WDR5: variants seen among roughly 807,000 people sequenced by gnomAD.
WDR5 encodes the protein WD repeat-containing protein 5.
For missense variants in WDR5, 187 were observed against 416.9 expected, an observed-to-expected ratio of 0.45 and a Z score of 4.80; for synonymous variants, 144 against 161.6, an observed-to-expected ratio of 0.89 and a Z score of 0.83.
intron 7 of WDR5, 146 bp downstream of exon 7, chr9:134,142,865 T>C (rs1831963980): frequency 1.2e-6 from 1 of 809,900 alleles, no homozygotes; most frequent in Admixed American, 2.4e-5. Flanking sequence ...TCTAGAGCAA[T>C]CAGGTTGGAG....
At chr9:134,155,462 A>C in intron 11 of WDR5, 89 bp downstream of exon 11, 1 of 1,495,616 alleles carries the variant, frequency 6.7e-7, no homozygotes, top group East Asian at 2.3e-5. Flanking sequence ...GTGATGACAA[A>C]GGAGAGGAGC....
chr9:134,155,107 A>G (rs1032473073), intron 10 of WDR5, among the ~76,000 whole-genome samples: 8 of 152,174 alleles, frequency 5.3e-5, no homozygotes, highest in Non-Finnish European at 1.0e-4. Flanking sequence ...CTTCCTGTTA[A>G]AGTCTCTCTT....
At chr9:134,137,771 C>G (rs570662133) in intron 1 of WDR5, among the ~76,000 whole-genome samples, 1 of 152,240 alleles carries the variant, frequency 6.6e-6, no homozygotes, top group Non-Finnish European at 1.5e-5. Flanking sequence ...CCCGCCACCC[C>G]CCGACGGAGT....
intron 3 of WDR5, among the ~76,000 whole-genome samples, 188 bp from the exon 4 acceptor site, chr9:134,141,322 C>A (rs906610863): frequency 2.0e-5 from 3 of 151,968 alleles, no homozygotes; most frequent in Non-Finnish European, 2.9e-5. Context: ...AGAAATTGCC[C>A]GTGGACCCTG....
In WDR5 at chr9:134,156,599, G is replaced by A. The variant is rs771680667; in HGVS notation, c.904+6G>A. On this transcript the variant is annotated splice_donor_region_variant and intron_variant, in intron 13 of 13. Coordinates refer to ENST00000358625, the MANE Select transcript of WDR5 (RefSeq NM_017588.3). Reference sequence around the variant, plus strand: ...GAAACTACAAGGCCACACAGGTGAGGGCCTGCGCTCCTGCAGTCACTGGCT... The same window carrying A: ...GAAACTACAAGGCCACACAGGTGAGAGCCTGCGCTCCTGCAGTCACTGGCT... The A allele has an allele frequency of 2.5e-6, 4 of 1,614,100 alleles. No homozygotes were observed. The South Asian group carries it at 4.4e-5, about 18-fold the overall frequency.
Position 134,141,280 on chromosome 9 carries a change from C to T in WDR5, c.191-230C>T, listed in dbSNP as rs571595762. ...CAGCCTGGGCGACAGAGCCAGACAC[C>T]GTCTCAGAAAAACAAAAGAAGAAGA... On this transcript the variant is annotated intron_variant, in intron 3 of 13. Coordinates refer to ENST00000358625, the MANE Select transcript of WDR5 (RefSeq NM_017588.3). 8.5e-5 allele frequency among the ~76,000 whole-genome samples: 13 copies of T among 152,078 alleles called. No homozygotes were observed. In the East Asian group the frequency reaches 1.9e-3, roughly 23 times the overall value.
chr9:134,140,369 G>A (rs1831819969), intron 2 of WDR5, among the ~76,000 whole-genome samples: 1 of 152,120 alleles, frequency 6.6e-6, no homozygotes, highest in Non-Finnish European at 1.5e-5. Flanking sequence ...GCTGGTGGGG[G>A]CCTCCTGTGC....
Position 134,158,197 on chromosome 9 carries a change from C to A in WDR5, c.*204C>A. On this transcript the variant is annotated 3_prime_UTR_variant, in exon 14 of 14. Coordinates refer to ENST00000358625, the MANE Select transcript of WDR5 (RefSeq NM_017588.3). ...TAAAAGTTGCTGGTGACATTTCTTGCCAATTCTAACACTGTCTAGGGAAGA... is the reference window on the plus strand; with the variant it reads ...TAAAAGTTGCTGGTGACATTTCTTGACAATTCTAACACTGTCTAGGGAAGA... 2 of 546,514 alleles carry A rather than the reference C, an allele frequency of 3.7e-6. No individual in the cohort carries two copies. The highest frequency in any genetic ancestry group is 6.6e-6 in the Non-Finnish European group (2 of 303,516). 33.9% of individuals were successfully genotyped at this position (546,514 alleles called of 1,614,324 possible). A position where few individuals can be genotyped will look rare whatever the true frequency, so the allele number is the denominator to read the frequency against.
intron 12 of WDR5, 132 bp downstream of exon 12, chr9:134,155,899 A>G: frequency 1.2e-6 from 1 of 849,940 alleles, no homozygotes; most frequent in Non-Finnish European, 1.9e-6. Context: ...TTTCAACCAA[A>G]GCGCACTGCG....
At chr9:134,155,983 G>A (rs1427459919) in intron 12 of WDR5, among the ~76,000 whole-genome samples, 1 of 144,268 alleles carries the variant, frequency 6.9e-6, no homozygotes, top group African/African-American at 2.8e-5. Flanking sequence ...GCCTGTTGTC[G>A]GGCTTTGCTG....
chr9:134,141,478 T>A, intron 3 of WDR5, 32 bp from the exon 4 acceptor site: 1 of 1,610,290 alleles, frequency 6.2e-7, no homozygotes, highest in Non-Finnish European at 8.5e-7. Flanking sequence ...TGTGTCCTGC[T>A]CTTAGCCTCA....
At position 134,139,974 on chromosome 9, in the gene WDR5, C is replaced by A; in HGVS notation, c.81+16C>A. The A allele has an allele frequency of 6.2e-7, 1 of 1,613,588 alleles. No homozygotes were observed. Among genetic ancestry groups the A allele is most frequent in the South Asian group, 1.1e-5 (1 of 91,078 alleles). On this transcript the variant is annotated intron_variant, in intron 2 of 13. Coordinates refer to ENST00000358625, the MANE Select transcript of WDR5 (RefSeq NM_017588.3). ...TCAGAGCAAGGTGCGTGCCCAGGGG[C>A]CCCTTGGACACCTTCCGGGGGCAAA...
chr9:134,158,494 T>C lies in WDR5; in HGVS notation c.*501T>C, dbSNP rs1832852997. 1 of 152,890 alleles carries C rather than the reference T, an allele frequency of 6.5e-6. No homozygotes were observed. Among genetic ancestry groups the C allele is most frequent in the Non-Finnish European group, 1.5e-5 (1 of 68,524 alleles). 9.5% of individuals were successfully genotyped at this position (152,890 alleles called of 1,614,324 possible). A position where few individuals can be genotyped will look rare whatever the true frequency, so the allele number is the denominator to read the frequency against. ...ACTCCTCCATTCCCGCCAGTAGCTG[T>C]TCCTAGTGTATTTTCGTCTTTCTGG... On this transcript the variant is annotated 3_prime_UTR_variant, in exon 14 of 14. Coordinates refer to ENST00000358625, the MANE Select transcript of WDR5 (RefSeq NM_017588.3).
Position 134,157,784 on chromosome 9 carries a change from C to CG in WDR5, c.905-106dup. ...GCTTGTCCTGTGACCTCCCAGGTGGCGGGCAGGCGCTACCCGCGTTTCTGG... is the reference window on the plus strand; with the variant it reads ...GCTTGTCCTGTGACCTCCCAGGTGGCGGGGCAGGCGCTACCCGCGTTTCTGG... On this transcript the variant is annotated intron_variant, in intron 13 of 13. Transcript: ENST00000358625. This position sits in a 1 kb window ranked among gnomAD's most constrained non-coding sequence, Gnocchi z 5.0. 1 of 997,634 alleles carries CG rather than the reference C, an allele frequency of 1.0e-6. No homozygotes were observed. The highest frequency in any genetic ancestry group is 1.5e-6 in the Non-Finnish European group (1 of 659,092). The allele number at this position is 997,634 out of a possible 1,614,324, so 61.8% of individuals were successfully genotyped here.
chr9:134,146,096 C>G (rs1832186910), intron 7 of WDR5, among the ~76,000 whole-genome samples: 1 of 151,958 alleles, frequency 6.6e-6, no homozygotes, highest in Non-Finnish European at 1.5e-5. Flanking sequence ...TCCTGAGTAG[C>G]TGGGACTACA....
chr9:134,143,647 C>G (rs1433021967), intron 7 of WDR5, among the ~76,000 whole-genome samples: 1 of 151,938 alleles, frequency 6.6e-6, no homozygotes, highest in African/African-American at 2.4e-5. Flanking sequence ...CTGCCTCAGC[C>G]TCTCCGAGTA....
intron 1 of WDR5, among the ~76,000 whole-genome samples, chr9:134,137,682 AAC>A (rs1564186370): frequency 7.7e-6 from 1 of 129,684 alleles, no homozygotes; most frequent in Non-Finnish European, 1.8e-5. Context: ...AAAAAACAAA[AAC>A]AAAAAAAAAA....
chr9:134,141,610 T>C (rs1416320354), intron 4 of WDR5, 27 bp downstream of exon 4: 2 of 1,612,610 alleles, frequency 1.2e-6, no homozygotes, highest in Admixed American at 3.3e-5. Flanking sequence ...TGCGGTGAAG[T>C]TGACTGTTGA....
At position 134,141,525 on chromosome 9, in the gene WDR5, T is replaced by C. The variant is rs752324090; in HGVS notation, c.206T>C (p.Ile69Thr). 5 of 1,614,068 alleles carry C rather than the reference T, an allele frequency of 3.1e-6. No homozygotes were observed. The highest frequency in any genetic ancestry group is 1.7e-5 in the Admixed American group (1 of 60,018). The part of the protein sequence containing the change: ...WLASSSADKL[I>T]KIWGAYDGKF... ...TTTCTTTCAGCTGCTGATAAACTTA[T>C]TAAAATTTGGGGCGCGTATGATGGG... Residue 69 changes from isoleucine to threonine, a missense_variant, in exon 4 of 14, where the codon ATT becomes ACT. Ile to Thr is a moderately conservative substitution (Grantham distance 89). Transcript: ENST00000358625.
Sources: allele counts gnomAD v4.1 joint callset (sites outside exome capture counted in the v4.1 genomes callset), GRCh38; gene constraint gnomAD v4.1.1; non-coding constraint Gnocchi (gnomAD v3.1); transcripts MANE v1.5; gene names NCBI Gene and HGNC (gene_info 2026-07-23, HGNC 2026-07-21).